The following TLL1 variants were observed in gnomAD, a reference collection of about 807,000 sequenced individuals.
TLL1 encodes tolloid-like protein 1.
TLL1 carries 49 observed loss-of-function variants against 128.2 expected under a neutral mutation model. The observed-to-expected ratio is 0.38, with a 90% confidence interval of 0.30 to 0.48. TLL1 has a LOEUF of 0.48. Among genes scored for constraint, TLL1 ranks in the 20% least tolerant of loss-of-function variants. TLL1 has a pLI of 0.96. For synonymous variants in TLL1, 454 were observed against 418.8 expected (o/e 1.08, Z -1.03); for missense variants, 1,123 against 1,242.0 (o/e 0.90, Z 1.44).
chr4:166,039,012 T>C (rs1560827998), intron 9 of TLL1, among the ~76,000 whole-genome samples: 1 of 152,176 alleles, frequency 6.6e-6, no homozygotes, highest in Non-Finnish European at 1.5e-5. Context: ...AAATTCAAAA[T>C]AAACTATTTG....
intron 11 of TLL1, among the ~76,000 whole-genome samples, chr4:166,042,819 T>G (rs1443391197): frequency 6.6e-6 from 1 of 152,076 alleles, no homozygotes; most frequent in Non-Finnish European, 1.5e-5. Flanking sequence ...TGAAGAGGAT[T>G]ATTTGGAGGG....
chr4:165,975,212 A>G (rs1735819865), intron 1 of TLL1, among the ~76,000 whole-genome samples: 1 of 152,148 alleles, frequency 6.6e-6, no homozygotes, highest in Non-Finnish European at 1.5e-5. Flanking sequence ...TTCAGTGAAC[A>G]GCCTTCCCAG....
chr4:166,050,315 A>C (rs143688056), intron 12 of TLL1, among the ~76,000 whole-genome samples: 1 of 152,208 alleles, frequency 6.6e-6, no homozygotes, highest in Non-Finnish European at 1.5e-5. Flanking sequence ...TTGTATGTGT[A>C]TACCACATTT....
intron 18 of TLL1, among the ~76,000 whole-genome samples, chr4:166,089,828 CT>C (rs112001672): frequency 1.3e-5 from 2 of 152,004 alleles, no homozygotes; most frequent in Non-Finnish European, 2.9e-5. Context: ...GAGAGATCAG[CT>C]TTTTTTCCCC....
chr4:166,074,314 T>C, intron 16 of TLL1, among the ~76,000 whole-genome samples: 1 of 151,226 alleles, frequency 6.6e-6, no homozygotes, highest in South Asian at 2.1e-4. Context: ...CTATGAAATG[T>C]CCAAATTCAT....
chr4:166,014,503 C>A lies in TLL1; in HGVS notation c.985C>A (p.Arg329=), dbSNP rs761905682. Residue 329 remains arginine (R), a synonymous_variant, in exon 8 of 21, where the codon CGA becomes AGA. Transcript: ENST00000061240. The stretch of plus-strand genomic sequence containing the variant: ...TGGCATACGTCCTGCAATTGGTCAG[C>A]GAACCCGTCTAAGCAAAGGAGATAT... ...DNGIRPAIGQ[R]TRLSKGDIAQ... is the part of the protein sequence containing the mutation. 48 of 1,612,332 alleles carry A rather than the reference C, an allele frequency of 3.0e-5. No individual in the cohort carries two copies. The highest frequency in any genetic ancestry group is 4.0e-5 in the Non-Finnish European group (47 of 1,178,814).
At chr4:165,917,736 G>T (rs1289066342) in intron 1 of TLL1, among the ~76,000 whole-genome samples, 3 of 152,118 alleles carry the variant, frequency 2.0e-5, no homozygotes, top group South Asian at 4.1e-4. Context: ...TTAAGATTGG[G>T]CATATTTATT....
chr4:165,923,405 G>A (rs78400653), intron 1 of TLL1, among the ~76,000 whole-genome samples: 2,372 of 135,336 alleles, frequency 0.018, 73 homozygotes, highest in African/African-American at 0.06. Flanking sequence ...AAAGTGCATC[G>A]GAAATATAGG....
At chr4:166,015,903 T>C (rs1043794314) in intron 8 of TLL1, among the ~76,000 whole-genome samples, 1 of 151,900 alleles carries the variant, frequency 6.6e-6, no homozygotes, top group Non-Finnish European at 1.5e-5. Flanking sequence ...TCTTGTAACT[T>C]AGGACTATTA....
chr4:166,000,994 G>A (rs79731989), intron 5 of TLL1, among the ~76,000 whole-genome samples: 4,469 of 151,868 alleles, frequency 0.029, 100 homozygotes, highest in Non-Finnish European at 0.042. Context: ...ATTATTAGGC[G>A]ACTAAAGCCT....
intron 13 of TLL1, among the ~76,000 whole-genome samples, chr4:166,055,923 A>T (rs972502537): frequency 6.6e-6 from 1 of 152,120 alleles, no homozygotes; most frequent in Admixed American, 6.6e-5. Flanking sequence ...AAATTTTTCT[A>T]TGGGAAGAGA....
At chr4:166,050,558 T>G (rs1245771375) in intron 12 of TLL1, among the ~76,000 whole-genome samples, 1 of 152,182 alleles carries the variant, frequency 6.6e-6, no homozygotes, top group African/African-American at 2.4e-5. Context: ...ATTTCTAAGT[T>G]TTCAGAGATT....
intron 10 of TLL1, among the ~76,000 whole-genome samples, chr4:166,040,061 A>G (rs1199258477): frequency 1.3e-5 from 2 of 152,212 alleles, no homozygotes; most frequent in Non-Finnish European, 2.9e-5. Flanking sequence ...ATTAACTTGC[A>G]TAGGCAGTTT....
intron 1 of TLL1, among the ~76,000 whole-genome samples, chr4:165,896,818 A>G (rs960419538): frequency 3.2e-4 from 48 of 152,098 alleles, no homozygotes; most frequent in Non-Finnish European, 6.2e-4. Context: ...TCCTTGATGA[A>G]TCGCCACACT....
intron 1 of TLL1, among the ~76,000 whole-genome samples, chr4:165,959,304 G>T (rs887921776): frequency 2.6e-5 from 4 of 152,152 alleles, no homozygotes; most frequent in Non-Finnish European, 5.9e-5. Context: ...ACCTTGGGCA[G>T]TATGGCCATT....
At chr4:165,963,561 T>C (rs1361178684) in intron 1 of TLL1, among the ~76,000 whole-genome samples, 1 of 152,156 alleles carries the variant, frequency 6.6e-6, no homozygotes, top group Non-Finnish European at 1.5e-5. Context: ...AATGTTGTAA[T>C]TTTAAGATTT....
At chr4:166,003,652 C>G in intron 6 of TLL1, 83 bp downstream of exon 6, 1 of 1,428,558 alleles carries the variant, frequency 7.0e-7, no homozygotes, top group Non-Finnish European at 9.8e-7. Context: ...TTCACTTTCC[C>G]AAAAATGTAA....
At chr4:165,989,293 T>C in intron 1 of TLL1, 88 bp from the exon 2 acceptor site, 1 of 1,000,892 alleles carries the variant, frequency 1.0e-6, no homozygotes. Context: ...CACGTTTCCA[T>C]ATTTTTAACA....
intron 1 of TLL1, among the ~76,000 whole-genome samples, chr4:165,966,211 C>G (rs1424863371): frequency 3.4e-5 from 5 of 147,870 alleles, no homozygotes; most frequent in African/African-American, 1.2e-4. Flanking sequence ...GATTAGAGGA[C>G]AGGGAGCACT....
Sources: allele counts gnomAD v4.1 joint callset (sites outside exome capture counted in the v4.1 genomes callset), GRCh38; gene constraint gnomAD v4.1.1; transcripts MANE v1.5; gene names NCBI Gene and HGNC (gene_info 2026-07-23, HGNC 2026-07-21).